Variants in CACNA1E observed in about 807,000 individuals in gnomAD.
CACNA1E encodes voltage-dependent R-type calcium channel subunit alpha-1E.
CACNA1E carries 40 observed loss-of-function variants against 259.2 expected under a neutral mutation model. The observed-to-expected ratio is 0.15, with a 90% CI of 0.12 to 0.20. The LOEUF is 0.20. Ranked by LOEUF, CACNA1E falls within the 10% of genes least tolerant of loss-of-function variation. The pLI is 1.00. For synonymous variants in CACNA1E, 1,104 were observed against 1,138.5 expected (o/e 0.97, Z 0.61); for missense variants, 1,874 against 3,040.1 (o/e 0.62, Z 9.02).
At chr1:181,508,472 C>T (rs754310345) in intron 1 of CACNA1E, among the ~76,000 whole-genome samples, 3 of 152,200 alleles carry the variant, frequency 2.0e-5, no homozygotes, top group Admixed American at 6.5e-5. Flanking sequence ...GCTGGGTTCC[C>T]ATCTTTAATT....
At chr1:181,647,339 G>A (rs1023906853) in intron 6 of CACNA1E, among the ~76,000 whole-genome samples, 3 of 152,144 alleles carry the variant, frequency 2.0e-5, no homozygotes, top group African/African-American at 7.2e-5. Context: ...CCTGAAGGAA[G>A]AGTCTCTGGG....
intron 7 of CACNA1E, among the ~76,000 whole-genome samples, chr1:181,657,538 A>T (rs1321890900): frequency 1.3e-5 from 2 of 152,164 alleles, no homozygotes; most frequent in African/African-American, 4.8e-5. Context: ...AAATTATTTG[A>T]CTTTTTAAAT....
chr1:181,772,998 G>T (rs1334761996), intron 37 of CACNA1E, among the ~76,000 whole-genome samples: 1 of 152,196 alleles, frequency 6.6e-6, no homozygotes, highest in South Asian at 2.1e-4. Flanking sequence ...AAAAGGGCCA[G>T]TTTAGTGTTT....
chr1:181,503,292 T>C (rs72731233), intron 1 of CACNA1E, among the ~76,000 whole-genome samples: 1 of 152,306 alleles, frequency 6.6e-6, no homozygotes, highest in South Asian at 2.1e-4. Context: ...CATCAGGGTC[T>C]GTGGGAACTG....
intron 6 of CACNA1E, among the ~76,000 whole-genome samples, chr1:181,621,444 A>G (rs1049660509): frequency 1.3e-5 from 2 of 152,232 alleles, no homozygotes; most frequent in Non-Finnish European, 2.9e-5. Context: ...TCAAACATAC[A>G]GAGTCGACTG....
At chr1:181,691,001 C>T (rs1186821866) in intron 7 of CACNA1E, among the ~76,000 whole-genome samples, 1 of 151,900 alleles carries the variant, frequency 6.6e-6, no homozygotes, top group African/African-American at 2.4e-5. Context: ...GCATTGTGCT[C>T]ACTGCATCTA....
chr1:181,561,586 G>T (rs1038458211), intron 3 of CACNA1E, among the ~76,000 whole-genome samples: 1 of 152,242 alleles, frequency 6.6e-6, no homozygotes, highest in African/African-American at 2.4e-5. Flanking sequence ...TAATGCTTTT[G>T]AGATTCATCC....
chr1:181,590,417 ATATAT>A (rs1246369488), intron 6 of CACNA1E, among the ~76,000 whole-genome samples: 1 of 105,474 alleles, frequency 9.5e-6, no homozygotes, highest in Non-Finnish European at 1.9e-5. Flanking sequence ...AAAAAAAAAA[ATATAT>A]ATATATATAT....
intron 1 of CACNA1E, among the ~76,000 whole-genome samples, chr1:181,319,788 A>T (rs1029423865): frequency 6.6e-6 from 1 of 152,218 alleles, no homozygotes; most frequent in African/African-American, 2.4e-5. Context: ...ATAATTCAAG[A>T]GGCAACATGT....
chr1:181,566,238 C>T (rs1046106620), intron 3 of CACNA1E, among the ~76,000 whole-genome samples: 8 of 152,204 alleles, frequency 5.3e-5, no homozygotes, highest in African/African-American at 1.7e-4. Flanking sequence ...GGGTTTGAGT[C>T]TCAGCTTGAT....
rs1460381911 is a variant in CACNA1E, at chr1:181,798,706, C to T, written c.6814C>T (p.Leu2272=). 1.9e-6 allele frequency: 3 copies of T among 1,608,960 alleles called. No homozygotes were observed. The African/African-American group carries it at 4.0e-5, about 21-fold the overall frequency. Residue 2272 remains leucine, a synonymous_variant, in exon 48 of 48, where the codon CTG becomes TTG. Transcript: ENST00000367573. This position sits in a 1 kb window ranked among gnomAD's most constrained non-coding sequence, Gnocchi z 4.2. ...CAACACCATCGGCTCAGCCCCACCC[C>T]TGCGGCATAGCTGGCAGATGCCCAA... ...RSNTIGSAPP[L]RHSWQMPNGH...
intron 6 of CACNA1E, among the ~76,000 whole-genome samples, chr1:181,599,961 A>T (rs866801117): frequency 3.4e-4 from 52 of 152,228 alleles, no homozygotes; most frequent in African/African-American, 1.2e-3. Flanking sequence ...TAGTGTGATG[A>T]TATCTATTAA....
intron 7 of CACNA1E, among the ~76,000 whole-genome samples, chr1:181,662,673 G>A (rs1038218173): frequency 1.3e-5 from 2 of 152,144 alleles, no homozygotes; most frequent in Non-Finnish European, 2.9e-5. Flanking sequence ...GTTAGTAGCA[G>A]ATTTCTTTCT....
chr1:181,699,443 C>T (rs1031892984), intron 7 of CACNA1E, among the ~76,000 whole-genome samples: 7 of 152,128 alleles, frequency 4.6e-5, no homozygotes, highest in African/African-American at 1.7e-4. Context: ...TCTCCCATCC[C>T]ACGCCAGTGG....
intron 6 of CACNA1E, among the ~76,000 whole-genome samples, chr1:181,584,576 C>T (rs1651867765): frequency 6.6e-6 from 1 of 152,214 alleles, no homozygotes; most frequent in Non-Finnish European, 1.5e-5. Flanking sequence ...AACAGCTATT[C>T]ACTTTCTGTC....
chr1:181,690,551 G>A (rs1207783556), intron 7 of CACNA1E, among the ~76,000 whole-genome samples: 5 of 151,976 alleles, frequency 3.3e-5, no homozygotes, highest in African/African-American at 1.2e-4. Flanking sequence ...CATTGAATCT[G>A]TAAATTATTT....
intron 3 of CACNA1E, among the ~76,000 whole-genome samples, chr1:181,534,029 C>A (rs1175846958): frequency 6.6e-6 from 1 of 151,884 alleles, no homozygotes; most frequent in East Asian, 1.9e-4. Flanking sequence ...CTTTCTAATT[C>A]ACCTAGTATA....
chr1:181,515,448 A>G (rs1466491399), intron 3 of CACNA1E, among the ~76,000 whole-genome samples: 1 of 152,224 alleles, frequency 6.6e-6, no homozygotes, highest in Non-Finnish European at 1.5e-5. Context: ...CAGTGAAACT[A>G]GTATTGTGTT....
intron 1 of CACNA1E, among the ~76,000 whole-genome samples, chr1:181,406,199 A>G (rs1309829101): frequency 6.6e-6 from 1 of 152,250 alleles, no homozygotes; most frequent in Non-Finnish European, 1.5e-5. Flanking sequence ...GCCAACTTGC[A>G]TCATTAGACA....
Sources: allele counts gnomAD v4.1 joint callset (sites outside exome capture counted in the v4.1 genomes callset), GRCh38; gene constraint gnomAD v4.1.1; non-coding constraint Gnocchi (gnomAD v3.1); transcripts MANE v1.5; gene names NCBI Gene and HGNC (gene_info 2026-07-23, HGNC 2026-07-21).